CAGE1: variants seen among roughly 807,000 people sequenced by gnomAD.
The protein encoded by CAGE1 is cancer-associated gene 1 protein.
In CAGE1, 66 loss-of-function variants were observed where a neutral mutation model predicts 94.9. The ratio of observed to expected loss-of-function variants is 0.70; its 90% CI spans 0.57 to 0.85. CAGE1 has a LOEUF of 0.85. Among genes scored for constraint, CAGE1 ranks in the 40% least tolerant of loss-of-function variants. The pLI, the probability that CAGE1 is intolerant of heterozygous loss-of-function variation, is 0.00. For synonymous variants in CAGE1, 319 were observed against 321.0 expected (o/e 0.99, Z 0.07); for missense variants, 865 against 950.4 (o/e 0.91, Z 1.18).
At position 7,339,647 on chromosome 6, in the gene CAGE1, T is replaced by A; in HGVS notation, c.2370-5557A>T. The A allele has an allele frequency of 1.6e-6, 1 of 623,658 alleles. No individual in the cohort carries two copies. Among genetic ancestry groups the A allele is most frequent in the East Asian group, 2.8e-5 (1 of 36,246 alleles). 38.6% of individuals were successfully genotyped at this position (623,658 alleles called of 1,614,324 possible). ...GTGTCCTCATAGCTTAGCTCCCACTTATGAGTGAGAACATATGATGTTTGG... is the reference window on the plus strand; with the variant it reads ...GTGTCCTCATAGCTTAGCTCCCACTAATGAGTGAGAACATATGATGTTTGG... On this transcript the variant is annotated intron_variant, in intron 11 of 13. Transcript: ENST00000502583. The surrounding 1 kb of genome is among the most constrained non-coding windows in gnomAD (Gnocchi z 4.7).
At chr6:7,333,642 C>CTA (rs773887819) in intron 12 of CAGE1, among the ~76,000 whole-genome samples, 3,266 of 121,060 alleles carry the variant, frequency 0.027, 63 homozygotes, top group East Asian at 0.053. Context: ...ATCTAACTAT[C>CTA]TATATATATA....
intron 12 of CAGE1, among the ~76,000 whole-genome samples, chr6:7,333,562 T>C (rs1337882479): frequency 6.7e-6 from 1 of 150,308 alleles, no homozygotes; most frequent in African/African-American, 2.5e-5. Flanking sequence ...CACTTTCATA[T>C]AATTATCTTG....
At chr6:7,334,400 T>C (rs1237787542) in intron 11 of CAGE1, among the ~76,000 whole-genome samples, 1 of 152,042 alleles carries the variant, frequency 6.6e-6, no homozygotes, top group Non-Finnish European at 1.5e-5. Flanking sequence ...TCTATATGAG[T>C]AAATCCAATA....
Position 7,378,989 on chromosome 6 carries a change from T to C in CAGE1, c.315A>G (p.Ala105=). 6.5e-7 allele frequency: 1 copy of C among 1,539,596 alleles called. No homozygotes were observed. The highest frequency in any genetic ancestry group is 8.7e-7 in the Non-Finnish European group (1 of 1,143,072). ...DNNIENYSTN[A]LIQPVDTISI... is the part of the protein sequence containing the mutation. ...TGATGGTGTCAACTGGCTGAATTAG[T>C]GCATTCGTTGAGTAATTTTCAATGT... Residue 105 remains alanine, a synonymous_variant, in exon 4 of 14, where the codon GCA becomes GCG. Transcript: ENST00000502583.
At chr6:7,365,939 T>A in intron 7 of CAGE1, 55 bp from the exon 8 acceptor site, 1 of 1,047,090 alleles carries the variant, frequency 9.6e-7, no homozygotes, top group Non-Finnish European at 1.4e-6. Context: ...TACGCTCTAA[T>A]ATTTATAATA....
At chr6:7,352,310 A>C (rs12174448) in intron 11 of CAGE1, among the ~76,000 whole-genome samples, 6,468 of 133,942 alleles carry the variant, frequency 0.048, 243 homozygotes, top group African/African-American at 0.11. Context: ...AAAAAACAAA[A>C]AAAAACAAAA....
At chr6:7,345,109 G>A (rs1234178314) in intron 11 of CAGE1, among the ~76,000 whole-genome samples, 1 of 151,570 alleles carries the variant, frequency 6.6e-6, no homozygotes, top group Non-Finnish European at 1.5e-5. Flanking sequence ...AACTCTTGTT[G>A]CTGTTTGCTC....
chr6:7,364,554 C>T (rs551634793), intron 9 of CAGE1, among the ~76,000 whole-genome samples: 1 of 152,216 alleles, frequency 6.6e-6, no homozygotes, highest in African/African-American at 2.4e-5. Flanking sequence ...CTGCAACCTC[C>T]GCCCTCTGAG....
chr6:7,345,270 G>C (rs1400384842), intron 11 of CAGE1, among the ~76,000 whole-genome samples: 6 of 152,180 alleles, frequency 3.9e-5, no homozygotes, highest in Admixed American at 3.3e-4. Context: ...GCTACCTTAA[G>C]AGTTGCAGCA....
intron 11 of CAGE1, among the ~76,000 whole-genome samples, chr6:7,352,713 C>T (rs1166330823): frequency 6.6e-6 from 1 of 152,140 alleles, no homozygotes; most frequent in Non-Finnish European, 1.5e-5. Context: ...ACCAATGGAA[C>T]AGAATAGAGA....
At chr6:7,371,851 CTTCT>C (rs772440697) in intron 5 of CAGE1, among the ~76,000 whole-genome samples, 2 of 152,056 alleles carry the variant, frequency 1.3e-5, no homozygotes, top group East Asian at 3.9e-4. Context: ...TCATATTAGC[CTTCT>C]TTCTAAGTAA....
chr6:7,334,739 A>AT (rs1758892045), intron 11 of CAGE1, among the ~76,000 whole-genome samples: 2 of 151,338 alleles, frequency 1.3e-5, no homozygotes, highest in African/African-American at 4.9e-5. Flanking sequence ...AAAAAAAAAA[A>AT]AAAGGAAAGA....
intron 9 of CAGE1, among the ~76,000 whole-genome samples, chr6:7,364,930 C>A (rs1475468174): frequency 6.6e-6 from 1 of 152,148 alleles, no homozygotes; most frequent in Admixed American, 6.5e-5. Flanking sequence ...AGCTAATTAA[C>A]TCCTATAAAA....
intron 9 of CAGE1, among the ~76,000 whole-genome samples, 154 bp downstream of exon 9, chr6:7,365,314 T>C (rs887397825): frequency 6.6e-6 from 1 of 152,218 alleles, no homozygotes; most frequent in African/African-American, 2.4e-5. Flanking sequence ...CAAACTTCGA[T>C]TCTATATTAT....
chr6:7,376,828 T>G (rs2113460594), intron 4 of CAGE1, among the ~76,000 whole-genome samples: 1 of 152,278 alleles, frequency 6.6e-6, no homozygotes, highest in Admixed American at 6.5e-5. Flanking sequence ...GCTGCCTAAT[T>G]AACTTCTACC....
At chr6:7,334,395 A>G (rs955719858) in intron 11 of CAGE1, among the ~76,000 whole-genome samples, 35 of 152,284 alleles carry the variant, frequency 2.3e-4, no homozygotes, top group African/African-American at 8.2e-4. Flanking sequence ...ATCCCTCTAT[A>G]TGAGTAAATC....
intron 11 of CAGE1, among the ~76,000 whole-genome samples, chr6:7,338,383 T>C (rs774747572): frequency 5.3e-5 from 8 of 152,230 alleles, no homozygotes; most frequent in Admixed American, 1.3e-4. Context: ...AGGCTTTTTG[T>C]AGGTGCTCTT....
At chr6:7,356,887 C>G (rs1759972695) in intron 9 of CAGE1, among the ~76,000 whole-genome samples, 1 of 152,144 alleles carries the variant, frequency 6.6e-6, no homozygotes, top group African/African-American at 2.4e-5. Flanking sequence ...ACCTCTACCT[C>G]CCAGGTTCAA....
intron 13 of CAGE1, among the ~76,000 whole-genome samples, chr6:7,327,886 C>T (rs754997695): frequency 1.6e-4 from 24 of 152,120 alleles, no homozygotes; most frequent in South Asian, 4.2e-4. Flanking sequence ...GCCGAGATTG[C>T]GCCATTGCAC....
Sources: gnomAD v4.1 joint callset for allele counts (sites outside exome capture counted in the v4.1 genomes callset) on GRCh38, gnomAD v4.1.1 for gene constraint, Gnocchi (gnomAD v3.1) non-coding constraint, MANE v1.5 for transcripts, NCBI Gene and HGNC (gene_info 2026-07-23, HGNC 2026-07-21) for gene names.